The following BCAS3 variants were observed in gnomAD, a reference collection of about 807,000 sequenced individuals.
The protein encoded by BCAS3 is BCAS3 microtubule associated cell migration factor.
Under a neutral mutation model 116.1 loss-of-function variants are expected in BCAS3, and 53 were observed. The ratio of observed to expected loss-of-function variants is 0.46; its 90% confidence interval spans 0.37 to 0.57. The LOEUF (loss-of-function observed/expected upper bound fraction) is 0.57. Among genes scored for constraint, BCAS3 ranks in the 20% least tolerant of loss-of-function variants. BCAS3 has a pLI of 0.00. For synonymous variants in BCAS3, 391 were observed against 408.2 expected (o/e 0.96, Z 0.51); for missense variants, 917 against 1,165.4 (o/e 0.79, Z 3.10).
In BCAS3 at chr17:61,066,250, G is replaced by A. The variant is rs943106323; in HGVS notation, c.2030-8670G>A. ...CTACAGCTAAGAGAATTTATTACTG[G>A]AAATTCAAGAAATGTAGGAAAGGGT... On this transcript the variant is annotated intron_variant, in intron 19 of 23. Coordinates refer to ENST00000407086, the MANE Select transcript of BCAS3 (RefSeq NM_017679.5). Among the ~76,000 whole-genome samples the A allele has an allele frequency of 3.3e-5, 5 of 152,158 alleles. No homozygotes were observed. In the East Asian group the frequency reaches 9.6e-4, roughly 29 times the overall value.
At chr17:60,727,903 G>A (rs2040060442) in intron 5 of BCAS3, among the ~76,000 whole-genome samples, 3 of 151,520 alleles carry the variant, frequency 2.0e-5, no homozygotes, top group African/African-American at 7.3e-5. Context: ...TGCCTTCTAG[G>A]CTCAAGTGAT....
chr17:61,057,551 G>T (rs562223932), intron 19 of BCAS3, among the ~76,000 whole-genome samples: 20 of 152,252 alleles, frequency 1.3e-4, no homozygotes, highest in African/African-American at 4.3e-4. Context: ...CAGATTTGGG[G>T]AGATCCCTGC....
At position 60,912,623 on chromosome 17, in the gene BCAS3, TAGA is replaced by T. The variant is rs200314264; in HGVS notation, c.993+1925_993+1927del. ...GATTCGTATTTTTTTAATGAAGTGC[TAGA>T]AGACTTTTCAGTTGACTTTAATGAC... On this transcript the variant is annotated intron_variant, in intron 12 of 23. Transcript: ENST00000407086. Among the ~76,000 whole-genome samples, 55 of 152,276 alleles carry T rather than the reference TAGA, an allele frequency of 3.6e-4. No individual in the cohort carries two copies. In the East Asian group the frequency reaches 9.8e-3, roughly 27 times the overall value.
At position 61,352,836 on chromosome 17, in the gene BCAS3, C is replaced by A. The variant is rs1309717558; in HGVS notation, c.2426-15491C>A. On this transcript the variant is annotated intron_variant, in intron 22 of 23. Coordinates refer to ENST00000407086, the MANE Select transcript of BCAS3 (RefSeq NM_017679.5). This position sits in a 1 kb window ranked among gnomAD's most constrained non-coding sequence, Gnocchi z 4.7. ...CCCAAGTCTTGCTTGCCCTCTGCAGCTGTGCAGAGAAGGCCTGGTGCCGCC... is the reference window on the plus strand; with the variant it reads ...CCCAAGTCTTGCTTGCCCTCTGCAGATGTGCAGAGAAGGCCTGGTGCCGCC... Among the ~76,000 whole-genome samples the A allele has an allele frequency of 6.6e-6, 1 of 152,214 alleles. No homozygotes were observed. Among genetic ancestry groups the A allele is most frequent in the East Asian group, 1.9e-4 (1 of 5,196 alleles).
chr17:60,916,462 TA>T (rs2058784307), intron 12 of BCAS3, among the ~76,000 whole-genome samples: 1 of 152,072 alleles, frequency 6.6e-6, no homozygotes, highest in Non-Finnish European at 1.5e-5. Context: ...GATCAACTCT[TA>T]AAAATGGCAA....
chr17:61,146,354 G>A (rs118157644), intron 22 of BCAS3, among the ~76,000 whole-genome samples: 1,766 of 151,686 alleles, frequency 0.012, 18 homozygotes, highest in Non-Finnish European at 0.016. Context: ...CTGGGTTCAG[G>A]GATCCATCCC....
Position 61,131,566 on chromosome 17 carries a change from G to A in BCAS3, c.2425+47002G>A, listed in dbSNP as rs975360139. On this transcript the variant is annotated intron_variant, in intron 22 of 23. Coordinates refer to ENST00000407086, the MANE Select transcript of BCAS3 (RefSeq NM_017679.5). The surrounding 1 kb of genome is among the most constrained non-coding windows in gnomAD (Gnocchi z 4.4). The stretch of plus-strand genomic sequence containing the variant: ...GATTTTAAAATAAAGCCTAAACATC[G>A]GTCCCTTCCTTCTTCATTAATTTAT... Among the ~76,000 whole-genome samples the A allele has an allele frequency of 6.6e-6, 1 of 152,164 alleles. No homozygotes were observed. The highest frequency in any genetic ancestry group is 6.5e-5 in the Admixed American group (1 of 15,298).
Position 61,007,203 on chromosome 17 carries a change from C to A in BCAS3, c.1487-8548C>A, listed in dbSNP as rs2064777106. On this transcript the variant is annotated intron_variant, in intron 15 of 23. Transcript: ENST00000407086. The surrounding 1 kb of genome is among the most constrained non-coding windows in gnomAD (Gnocchi z 4.3). Reference sequence around the variant, plus strand: ...TATTATTTTTCCCTTTGTGTTCTTGCATTTTATAAACATTGTTTCTAACTG... The same window carrying A: ...TATTATTTTTCCCTTTGTGTTCTTGAATTTTATAAACATTGTTTCTAACTG... Among the ~76,000 whole-genome samples the A allele has an allele frequency of 6.6e-6, 1 of 151,986 alleles. No homozygotes were observed. The highest frequency in any genetic ancestry group is 1.5e-5 in the Non-Finnish European group (1 of 67,946).
At chr17:61,277,462 A>G (rs1311592734) in intron 22 of BCAS3, among the ~76,000 whole-genome samples, 2 of 152,144 alleles carry the variant, frequency 1.3e-5, no homozygotes, top group African/African-American at 4.8e-5. Flanking sequence ...ATATGACACC[A>G]AAAGTACAAA....
At chr17:60,716,207 T>A (rs927109855) in intron 5 of BCAS3, among the ~76,000 whole-genome samples, 5 of 152,198 alleles carry the variant, frequency 3.3e-5, no homozygotes, top group Admixed American at 2.6e-4. Context: ...AGCACATGTC[T>A]GGGATATACA....
At chr17:60,768,264 A>G (rs143818747) in intron 6 of BCAS3, among the ~76,000 whole-genome samples, 93 of 152,338 alleles carry the variant, frequency 6.1e-4, no homozygotes, top group African/African-American at 2.1e-3. Context: ...TGAAGTATTG[A>G]TCAAGGATGT....
chr17:60,759,986 T>C lies in BCAS3; in HGVS notation c.403+12707T>C, dbSNP rs549245500. 3.3e-5 allele frequency among the ~76,000 whole-genome samples: 5 copies of C among 152,314 alleles called. No homozygotes were observed. In the East Asian group the frequency reaches 7.7e-4, roughly 24 times the overall value. ...AAGCCAAAATCTGTTTTATCTGATA[T>C]CAGTATAGCTAGTGTTGCTCACATT... On this transcript the variant is annotated intron_variant, in intron 6 of 23. Coordinates refer to ENST00000407086, the MANE Select transcript of BCAS3 (RefSeq NM_017679.5).
chr17:61,232,390 C>CA (rs928245410), intron 22 of BCAS3, among the ~76,000 whole-genome samples: 29 of 147,564 alleles, frequency 2.0e-4, no homozygotes, highest in African/African-American at 6.8e-4. Context: ...TTATTTTGGC[C>CA]AAAAAAAAGG....
Position 60,874,718 on chromosome 17 carries a change from CG to C in BCAS3, c.642del (p.Lys215ArgfsTer16). 6.2e-7 allele frequency: 1 copy of C among 1,610,342 alleles called. No individual in the cohort carries two copies. Among genetic ancestry groups the C allele is most frequent in the Non-Finnish European group, 8.5e-7 (1 of 1,178,016 alleles). Reference sequence around the variant, plus strand: ...GCTGCCTTTGATAGCTGTACTTTCACGAAGAAATTCTTTGTTACAAGTATGT... The same window carrying C: ...GCTGCCTTTGATAGCTGTACTTTCACAAGAAATTCTTTGTTACAAGTATGT... ...KIAAFDSCTF[T>X]KKFFVTSCYP... On this transcript the variant is annotated frameshift_variant, in exon 9 of 24. Transcript: ENST00000407086. LOFTEE classifies it high-confidence loss of function.
At chr17:61,201,654 C>T (rs1189529684) in intron 22 of BCAS3, among the ~76,000 whole-genome samples, 1 of 152,130 alleles carries the variant, frequency 6.6e-6, no homozygotes, top group Admixed American at 6.5e-5. Flanking sequence ...CCATGACCCC[C>T]TTCGTGAAGT....
intron 22 of BCAS3, among the ~76,000 whole-genome samples, chr17:61,289,970 A>G (rs1957324826): frequency 1.3e-5 from 2 of 152,196 alleles, no homozygotes; most frequent in South Asian, 2.1e-4. Flanking sequence ...GAGCAAAGCA[A>G]CTGGGAAACT....
intron 23 of BCAS3, among the ~76,000 whole-genome samples, chr17:61,375,246 G>GCGCGTGCGCACA (rs1555861731): frequency 1.3e-5 from 2 of 150,666 alleles, no homozygotes; most frequent in African/African-American, 5.0e-5. Flanking sequence ...GTGTGTGTGT[G>GCGCGTGCGCACA]TGTGTGTGTA....
intron 6 of BCAS3, among the ~76,000 whole-genome samples, chr17:60,778,586 A>G (rs7213645): frequency 0.28 from 42,030 of 152,038 alleles, 11,469 homozygotes; most frequent in African/African-American, 0.71. Flanking sequence ...CATTTGTTAG[A>G]TATTGTCATT....
chr17:60,923,169 A>G (rs1022771650), intron 12 of BCAS3, among the ~76,000 whole-genome samples: 3 of 152,212 alleles, frequency 2.0e-5, no homozygotes, highest in African/African-American at 4.8e-5. Context: ...AATATAATCA[A>G]TGTATTTGTA....
Sources: gnomAD v4.1 joint callset for allele counts (sites outside exome capture counted in the v4.1 genomes callset) on GRCh38, gnomAD v4.1.1 for gene constraint, Gnocchi (gnomAD v3.1) non-coding constraint, MANE v1.5 for transcripts, NCBI Gene and HGNC (gene_info 2026-07-23, HGNC 2026-07-21) for gene names.